The following SLC2A9 variants were observed in gnomAD, a reference collection of about 807,000 sequenced individuals.
SLC2A9 encodes solute carrier family 2, facilitated glucose transporter member 9.
SLC2A9 carries 39 observed loss-of-function variants against 50.6 expected under a neutral mutation model. The ratio of observed to expected loss-of-function variants is 0.77; its 90% CI spans 0.60 to 1.01. The LOEUF (loss-of-function observed/expected upper bound fraction) is 1.01. Ranked by LOEUF, SLC2A9 falls within the 50% of genes least tolerant of loss-of-function variation. The pLI, the probability that SLC2A9 is intolerant of heterozygous loss-of-function variation, is 0.00. For synonymous variants in SLC2A9, 324 were observed against 276.9 expected, an observed-to-expected ratio of 1.17 and a Z score of -1.69; for missense variants, 686 against 677.6, an observed-to-expected ratio of 1.01 and a Z score of -0.14.
intron 3 of SLC2A9, among the ~76,000 whole-genome samples, chr4:9,987,770 G>C (rs188408382): frequency 2.0e-5 from 3 of 152,196 alleles, no homozygotes; most frequent in Admixed American, 2.0e-4. Flanking sequence ...AGAGATTGCA[G>C]TGAGCCAAGA....
chr4:9,962,435 G>C (rs1578101937), intron 5 of SLC2A9, among the ~76,000 whole-genome samples: 1 of 152,196 alleles, frequency 6.6e-6, no homozygotes, highest in South Asian at 2.1e-4. Context: ...GATGGAGCTG[G>C]AAGCCATTAT....
intron 10 of SLC2A9, among the ~76,000 whole-genome samples, chr4:9,838,132 C>G (rs1577463060): frequency 6.6e-6 from 1 of 152,140 alleles, no homozygotes; most frequent in East Asian, 1.9e-4. Flanking sequence ...CCATTATATC[C>G]CCCATTTTAT....
At chr4:9,790,417 T>C (rs1192646274) in intron 3 of SLC2A9, among the ~76,000 whole-genome samples, 3 of 152,168 alleles carry the variant, frequency 2.0e-5, no homozygotes, top group Non-Finnish European at 4.4e-5. Context: ...TGATAATTTG[T>C]AGATTTGGGA....
chr4:9,773,619 C>G lies in SLC2A9; in HGVS notation n.182-2250G>C, dbSNP rs191124069. ...GCAGGAGCCAGGCATGTGAAAGGAT[C>G]GTTTCCTCACTATCATCCCCTGAGA... On this transcript the variant is annotated intron_variant and non_coding_transcript_variant, in intron 1 of 1. Coordinates refer to the SLC2A9 transcript ENST00000508585. 5.6e-4 allele frequency among the ~76,000 whole-genome samples: 86 copies of G among 152,340 alleles called. 2 individuals are homozygous for G. The Middle Eastern group carries it at 0.041, about 72-fold the overall frequency.
At chr4:9,874,261 C>T (rs1733926177) in intron 10 of SLC2A9, among the ~76,000 whole-genome samples, 1 of 152,146 alleles carries the variant, frequency 6.6e-6, no homozygotes, top group African/African-American at 2.4e-5. Flanking sequence ...AAAAAAATGC[C>T]CCTTTCTCAA....
chr4:10,015,313 G>A (rs769447738), intron 2 of SLC2A9, among the ~76,000 whole-genome samples: 119 of 152,236 alleles, frequency 7.8e-4, no homozygotes, highest in Admixed American at 1.4e-3. Context: ...GGGGCAGGAA[G>A]GAGGGGCAGA....
At position 10,033,620 on chromosome 4, in the gene SLC2A9, G is replaced by A. The variant is rs112298408; in HGVS notation, c.-41+6510C>T. Among the ~76,000 whole-genome samples, 509 of 152,342 alleles carry A rather than the reference G, an allele frequency of 3.3e-3. 2 individuals carry two copies. The highest frequency in any genetic ancestry group is 3.9e-3 in the Non-Finnish European group (266 of 68,042). Reference sequence around the variant, plus strand: ...CTGTGTGGCTGAAGCCTTGGTCCATGTCTAAGGGGCAGACTTCCGTGTTAG... The same window carrying A: ...CTGTGTGGCTGAAGCCTTGGTCCATATCTAAGGGGCAGACTTCCGTGTTAG... On this transcript the variant is annotated intron_variant, in intron 1 of 12. Coordinates refer to the SLC2A9 transcript ENST00000309065.
chr4:9,955,482 G>T lies in SLC2A9; in HGVS notation c.682-13437C>A, dbSNP rs1437036273. Among the ~76,000 whole-genome samples the T allele has an allele frequency of 5.8e-5, 2 of 34,552 alleles. 1 individual carries two copies. Among genetic ancestry groups the T allele is most frequent in the Non-Finnish European group, 1.0e-4 (2 of 19,800 alleles). The allele number at this position is 34,552 out of a possible 152,430, so 22.7% of individuals were successfully genotyped here. A position where few individuals can be genotyped will look rare whatever the true frequency, so the allele number is the denominator to read the frequency against. On this transcript the variant is annotated intron_variant, in intron 5 of 11. Coordinates refer to ENST00000264784, the MANE Select transcript of SLC2A9 (RefSeq NM_020041.3). ...TGCACTCCCGCCTGGGCCACAGAGC[G>T]AGACTCCGTCTCAAAAAAAAAAAAA...
intron 10 of SLC2A9, among the ~76,000 whole-genome samples, chr4:9,886,254 G>A (rs949856123): frequency 6.6e-6 from 1 of 152,236 alleles, no homozygotes; most frequent in Non-Finnish European, 1.5e-5. Context: ...CTGATGTGAA[G>A]ATGTGGATGT....
intron 10 of SLC2A9, among the ~76,000 whole-genome samples, chr4:9,869,441 A>G (rs2109480225): frequency 6.6e-6 from 1 of 151,278 alleles, no homozygotes; most frequent in African/African-American, 2.4e-5. Flanking sequence ...GCACAGTGTC[A>G]GTCTCCTGCC....
intron 4 of SLC2A9, among the ~76,000 whole-genome samples, chr4:9,984,981 G>A (rs1289838920): frequency 2.6e-5 from 4 of 152,170 alleles, no homozygotes; most frequent in Non-Finnish European, 5.9e-5. Flanking sequence ...GACGTGCCAT[G>A]CCTCCTTCCG....
chr4:9,982,377 G>A (rs1221696292), intron 4 of SLC2A9, among the ~76,000 whole-genome samples: 1 of 152,212 alleles, frequency 6.6e-6, no homozygotes, highest in Non-Finnish European at 1.5e-5. Context: ...AAGTCGGAAA[G>A]ACCGAAGTTT....
At chr4:9,842,195 A>G (rs1385087592) in intron 10 of SLC2A9, among the ~76,000 whole-genome samples, 2 of 152,136 alleles carry the variant, frequency 1.3e-5, no homozygotes, top group Non-Finnish European at 2.9e-5. Flanking sequence ...GTTCTGTAAC[A>G]AGTCTATACA....
At chr4:10,025,731 A>G (rs927041748), upstream of SLC2A9, 1 of 625,858 alleles carries the variant, frequency 1.6e-6, no homozygotes, top group Non-Finnish European at 2.8e-6. Flanking sequence ...CATCCCAGAC[A>G]CTCTACAATC....
intron 3 of SLC2A9, chr4:9,782,834 G>T (rs773943990): frequency 6.2e-7 from 1 of 1,612,948 alleles, no homozygotes; most frequent in Non-Finnish European, 8.5e-7. Context: ...CGCAGAGCAC[G>T]CGCAGAGCTG....
At chr4:9,773,418 C>G (rs1055230933) in intron 1 of SLC2A9, among the ~76,000 whole-genome samples, 6 of 152,170 alleles carry the variant, frequency 3.9e-5, no homozygotes, top group African/African-American at 1.4e-4. Flanking sequence ...TGCAGCAAAA[C>G]CCCACCGATT....
chr4:9,813,740 C>T (rs1468977108), intron 3 of SLC2A9, among the ~76,000 whole-genome samples: 1 of 152,056 alleles, frequency 6.6e-6, no homozygotes, highest in Non-Finnish European at 1.5e-5. Flanking sequence ...AGGAAAGAAT[C>T]TAGCACAGAC....
chr4:9,972,261 G>C (rs757957691), intron 5 of SLC2A9, among the ~76,000 whole-genome samples: 1 of 152,016 alleles, frequency 6.6e-6, no homozygotes, highest in Non-Finnish European at 1.5e-5. Context: ...ATATAAAATC[G>C]TTCCTTTACG....
chr4:9,810,181 T>A (rs10005226), intron 3 of SLC2A9, among the ~76,000 whole-genome samples: 19,003 of 152,134 alleles, frequency 0.12, 1,229 homozygotes, highest in Middle Eastern at 0.16. Context: ...TTTTCTGTCT[T>A]CTTTACCACC....
Sources: allele counts gnomAD v4.1 joint callset (sites outside exome capture counted in the v4.1 genomes callset), GRCh38; gene constraint gnomAD v4.1.1; transcripts MANE v1.5; gene names NCBI Gene and HGNC (gene_info 2026-07-23, HGNC 2026-07-21).